Variants in FOXP1 observed in about 807,000 individuals in gnomAD.
FOXP1 encodes forkhead box P1.
A neutral mutation model predicts 98.2 loss-of-function variants in FOXP1; 15 were observed. That is an observed-to-expected ratio of 0.15 (90% CI 0.10 to 0.24). The LOEUF (loss-of-function observed/expected upper bound fraction) is 0.24, where lower values mean the gene tolerates loss of function less well. Ranked by LOEUF, FOXP1 falls within the 10% of genes least tolerant of loss-of-function variation. The probability of loss-of-function intolerance (pLI) is 1.00; values close to 1 mark genes in which losing one functional copy is unlikely to be tolerated. For missense variants in FOXP1, 633 were observed against 848.5 expected (o/e 0.75, Z 3.15); for synonymous variants, 371 against 314.5 (o/e 1.18, Z -1.90).
intron 7 of FOXP1, among the ~76,000 whole-genome samples, chr3:71,090,498 A>G (rs1575622415): frequency 6.6e-6 from 1 of 152,336 alleles, no homozygotes; most frequent in Non-Finnish European, 1.5e-5. Flanking sequence ...AGTCAACTCT[A>G]ACTAGAAGGC....
At chr3:71,455,469 T>C (rs2087388616) in intron 3 of FOXP1, among the ~76,000 whole-genome samples, 1 of 152,192 alleles carries the variant, frequency 6.6e-6, no homozygotes, top group South Asian at 2.1e-4. Flanking sequence ...ACTTGGAAAC[T>C]AGCTCTCAAA....
At chr3:71,111,173 T>C (rs1177699204) in intron 7 of FOXP1, among the ~76,000 whole-genome samples, 2 of 152,144 alleles carry the variant, frequency 1.3e-5, no homozygotes, top group Non-Finnish European at 1.5e-5. Context: ...TTGACCTCAT[T>C]ATCCAATTAA....
chr3:71,321,165 G>T (rs1383038359), intron 4 of FOXP1, among the ~76,000 whole-genome samples: 1 of 147,604 alleles, frequency 6.8e-6, no homozygotes, highest in Non-Finnish European at 1.5e-5. Flanking sequence ...CAGATAGTAA[G>T]ACGATTTTGC....
chr3:71,232,280 G>A (rs1304060759), intron 5 of FOXP1, among the ~76,000 whole-genome samples: 1 of 152,182 alleles, frequency 6.6e-6, no homozygotes, highest in African/African-American at 2.4e-5. Context: ...AAGTGCTATC[G>A]ATTATCAGTG....
chr3:71,272,173 C>T (rs959878927), intron 5 of FOXP1, among the ~76,000 whole-genome samples: 3 of 152,144 alleles, frequency 2.0e-5, no homozygotes, highest in Non-Finnish European at 2.9e-5. Context: ...TATCTGTCAA[C>T]ATTCTATACA....
At chr3:71,170,240 A>G (rs770317620) in intron 6 of FOXP1, among the ~76,000 whole-genome samples, 8 of 152,218 alleles carry the variant, frequency 5.3e-5, no homozygotes, top group Non-Finnish European at 8.8e-5. Context: ...TGCTATTTAA[A>G]GTGAACTGCA....
intron 18 of FOXP1, chr3:70,971,712 G>C: frequency 3.7e-6 from 1 of 268,968 alleles, no homozygotes; most frequent in Non-Finnish European, 6.9e-6. Context: ...TTTTACTTGG[G>C]GTGGGGAGAG....
intron 2 of FOXP1, among the ~76,000 whole-genome samples, chr3:71,541,265 GA>G (rs2044786720): frequency 6.6e-6 from 1 of 152,098 alleles, no homozygotes; most frequent in African/African-American, 2.4e-5. Context: ...TAAAAGAGAA[GA>G]ATAATATTTG....
chr3:71,346,295 T>C (rs2107808837), intron 4 of FOXP1, among the ~76,000 whole-genome samples: 1 of 152,298 alleles, frequency 6.6e-6, no homozygotes, highest in South Asian at 2.1e-4. Context: ...GGAAAGGTTG[T>C]GTGACTGGAG....
intron 11 of FOXP1, among the ~76,000 whole-genome samples, chr3:71,038,088 T>C (rs1322696151): frequency 6.6e-6 from 1 of 152,194 alleles, no homozygotes; most frequent in South Asian, 2.1e-4. Context: ...GCTACTGCAG[T>C]GGCTGCTCAC....
intron 7 of FOXP1, among the ~76,000 whole-genome samples, chr3:71,100,793 C>G (rs2056885186): frequency 6.6e-6 from 1 of 152,172 alleles, no homozygotes; most frequent in Non-Finnish European, 1.5e-5. Flanking sequence ...ATTCATGACT[C>G]TCTCCCCTCT....
chr3:70,959,597 C>A (rs1278022367), intron 20 of FOXP1, among the ~76,000 whole-genome samples: 1 of 152,140 alleles, frequency 6.6e-6, no homozygotes, highest in Non-Finnish European at 1.5e-5. Flanking sequence ...TTGTGCTAGC[C>A]ACATTTATGT....
chr3:71,241,240 CA>C (rs74310619), intron 5 of FOXP1, among the ~76,000 whole-genome samples: 2 of 148,448 alleles, frequency 1.3e-5, no homozygotes. Flanking sequence ...AACAAAAAAA[CA>C]AAAAAAAAAC....
chr3:71,019,167 A>C (rs1461924426), intron 11 of FOXP1, among the ~76,000 whole-genome samples: 1 of 152,214 alleles, frequency 6.6e-6, no homozygotes, highest in Non-Finnish European at 1.5e-5. Context: ...AAGGGAAATA[A>C]AAATGAGGAG....
intron 2 of FOXP1, among the ~76,000 whole-genome samples, chr3:71,534,465 C>T (rs182072775): frequency 5.3e-5 from 8 of 152,312 alleles, no homozygotes; most frequent in Non-Finnish European, 7.4e-5. Flanking sequence ...AAAAAATCCA[C>T]GTATGAGTAG....
In FOXP1 at chr3:71,325,316, G is replaced by A. The variant is rs201850325; in HGVS notation, c.-72-25436C>T. Among the ~76,000 whole-genome samples, 37 of 152,286 alleles carry A rather than the reference G, an allele frequency of 2.4e-4. 1 individual carries two copies. In the East Asian group the frequency reaches 6.8e-3, roughly 28 times the overall value. On this transcript the variant is annotated intron_variant, in intron 4 of 20. Coordinates refer to ENST00000649528, the MANE Select transcript of FOXP1 (RefSeq NM_001349338.3). The stretch of plus-strand genomic sequence containing the variant: ...GATTTGCCCGCCTCAGCCTCCCAAA[G>A]TGCTGGGATTACAGGCGTGAGCCAC...
At chr3:71,359,538 C>A (rs2078405037) in intron 3 of FOXP1, among the ~76,000 whole-genome samples, 1 of 152,126 alleles carries the variant, frequency 6.6e-6, no homozygotes, top group Non-Finnish European at 1.5e-5. Context: ...ATCTTCCGTA[C>A]CATAATTTCT....
At chr3:71,027,045 G>T (rs1417921350) in intron 11 of FOXP1, among the ~76,000 whole-genome samples, 1 of 152,192 alleles carries the variant, frequency 6.6e-6, no homozygotes, top group African/African-American at 2.4e-5. Context: ...TTAACACTGG[G>T]ATCTCGTTAA....
At chr3:71,361,557 G>A (rs964288943) in intron 3 of FOXP1, among the ~76,000 whole-genome samples, 2 of 152,210 alleles carry the variant, frequency 1.3e-5, no homozygotes, top group African/African-American at 4.8e-5. Flanking sequence ...GGCAAACACA[G>A]TTTCCAAGGG....
Sources: gnomAD v4.1 joint callset for allele counts (sites outside exome capture counted in the v4.1 genomes callset) on GRCh38, gnomAD v4.1.1 for gene constraint, MANE v1.5 for transcripts, NCBI Gene and HGNC (gene_info 2026-07-23, HGNC 2026-07-21) for gene names.